The following CEP128 variants were observed in gnomAD, a reference collection of about 807,000 sequenced individuals.
CEP128 encodes the protein centrosomal protein 128.
Under a neutral mutation model 156.7 loss-of-function variants are expected in CEP128, and 132 were observed. That is an observed-to-expected ratio of 0.84 (90% CI 0.73 to 0.97). The LOEUF (loss-of-function observed/expected upper bound fraction) is 0.97. CEP128 is among the 50% of genes least tolerant of loss of function. CEP128 has a pLI of 0.00. For synonymous variants in CEP128, 469 were observed against 448.9 expected (o/e 1.04, Z -0.57); for missense variants, 1,252 against 1,281.9 (o/e 0.98, Z 0.36).
rs577862273 is a variant in CEP128, at chr14:80,658,004, G to A, written c.2807-77581C>T. ...ATATCTATTCTACCTCGGTGACAGCGTTAAAAAAAAGTATAAATAGTAACA... is the reference window on the plus strand; with the variant it reads ...ATATCTATTCTACCTCGGTGACAGCATTAAAAAAAAGTATAAATAGTAACA... On this transcript the variant is annotated intron_variant, in intron 19 of 24. Coordinates refer to ENST00000555265, the MANE Select transcript of CEP128 (RefSeq NM_152446.5). Among the ~76,000 whole-genome samples the A allele has an allele frequency of 1.4e-4, 20 of 141,882 alleles. No individual in the cohort carries two copies. The South Asian group carries it at 4.1e-3, about 29-fold the overall frequency. The allele number at this position is 141,882 out of a possible 152,430, so 93.1% of individuals were successfully genotyped here.
At chr14:80,893,824 G>C (rs554121878) in intron 8 of CEP128, among the ~76,000 whole-genome samples, 1 of 152,018 alleles carries the variant, frequency 6.6e-6, no homozygotes, top group Admixed American at 6.6e-5. Flanking sequence ...CATTTGGATA[G>C]ACAAATAAAC....
chr14:80,842,266 A>C (rs28638187), intron 9 of CEP128, among the ~76,000 whole-genome samples: 9,838 of 152,066 alleles, frequency 0.065, 1,058 homozygotes, highest in African/African-American at 0.22. Context: ...TGTTTTCAAT[A>C]AGAAGCAATA....
intron 2 of CEP128, among the ~76,000 whole-genome samples, chr14:80,927,789 G>C (rs1056053619): frequency 2.9e-4 from 44 of 152,260 alleles, no homozygotes; most frequent in African/African-American, 1.0e-3. Flanking sequence ...TTTTCACCAT[G>C]GGCACCTCCT....
intron 19 of CEP128, among the ~76,000 whole-genome samples, chr14:80,619,367 G>GACACACACACAC (rs34190837): frequency 0.02 from 2,835 of 139,372 alleles, 86 homozygotes; most frequent in East Asian, 0.14. Context: ...AAGACACACA[G>GACACACACACAC]ACACACACAC....
At chr14:80,483,912 A>G (rs1887105225) in intron 14 of CEP128, among the ~76,000 whole-genome samples, 1 of 152,192 alleles carries the variant, frequency 6.6e-6, no homozygotes, top group Non-Finnish European at 1.5e-5. Flanking sequence ...TAAAATACTG[A>G]TTGAAAGTTA....
rs777300675 is a variant in CEP128, at chr14:80,504,995, G to C, written c.3098C>G (p.Ser1033Cys). The change falls in exon 24 of 25, where the codon TCC becomes TGC. Residue 1033 changes from serine to cysteine, a missense_variant. Coordinates refer to ENST00000555265, the MANE Select transcript of CEP128 (RefSeq NM_152446.5). ...TGAGTGATCTAACCCACGAGTGTGG[G>C]AACCTTCCAGAAAGGTTCTGTCACC... The part of the protein sequence containing the change: ...FKGDRTFLEG[S>C]HTRGLDHSSS... 23 of 1,597,258 alleles carry C rather than the reference G, an allele frequency of 1.4e-5. No homozygotes were observed. Among genetic ancestry groups the C allele is most frequent in the Non-Finnish European group, 2.0e-5 (23 of 1,170,612 alleles).
intron 5 of CEP128, 61 bp downstream of exon 5, chr14:80,905,894 T>C (rs748236393): frequency 6.5e-7 from 1 of 1,534,078 alleles, no homozygotes; most frequent in East Asian, 2.3e-5. Context: ...AAAAATTAAA[T>C]GTATTCAATA....
At chr14:80,850,123 C>G (rs1046944178) in intron 9 of CEP128, among the ~76,000 whole-genome samples, 1 of 151,978 alleles carries the variant, frequency 6.6e-6, no homozygotes, top group African/African-American at 2.4e-5. Flanking sequence ...AACTATAATA[C>G]AAAGGCAAAG....
chr14:80,689,000 T>A (rs1249101706), intron 19 of CEP128, among the ~76,000 whole-genome samples: 1 of 152,046 alleles, frequency 6.6e-6, no homozygotes, highest in Non-Finnish European at 1.5e-5. Context: ...TTATCCCAAA[T>A]CTGCATCAGG....
At chr14:80,871,377 T>G (rs1888020789) in intron 8 of CEP128, among the ~76,000 whole-genome samples, 1 of 152,072 alleles carries the variant, frequency 6.6e-6, no homozygotes, top group African/African-American at 2.4e-5. Context: ...TAGAAGTAGA[T>G]GGAATTGAGC....
chr14:80,659,179 A>C (rs1160750877), intron 19 of CEP128, among the ~76,000 whole-genome samples: 1 of 152,212 alleles, frequency 6.6e-6, no homozygotes, highest in Non-Finnish European at 1.5e-5. Flanking sequence ...TAAAATTGTA[A>C]GGTACAAATA....
At position 80,647,061 on chromosome 14, in the gene CEP128, A is replaced by ATG. The variant is rs1566831601; in HGVS notation, c.2807-66639_2807-66638insCA. Among the ~76,000 whole-genome samples the ATG allele has an allele frequency of 2.5e-3, 153 of 60,768 alleles. 13 individuals are homozygous for ATG. The highest frequency in any genetic ancestry group is 6.1e-3 in the East Asian group (6 of 976). 39.9% of individuals were successfully genotyped at this position (60,768 alleles called of 152,430 possible). ...TGTATATATATATATATATATATATATATATATATATATATATATATATAT... is the reference window on the plus strand; with the variant it reads ...TGTATATATATATATATATATATATATGTATATATATATATATATATATATAT... On this transcript the variant is annotated intron_variant, in intron 19 of 24. Transcript: ENST00000555265.
chr14:80,499,392 G>A (rs1887636542), intron 24 of CEP128, among the ~76,000 whole-genome samples: 2 of 152,192 alleles, frequency 1.3e-5, no homozygotes, highest in African/African-American at 4.8e-5. Context: ...AATGTAAACT[G>A]AGGTAAGAAA....
chr14:80,832,555 A>G (rs1367329438), intron 12 of CEP128, among the ~76,000 whole-genome samples: 1 of 152,220 alleles, frequency 6.6e-6, no homozygotes, highest in Non-Finnish European at 1.5e-5. Context: ...TGATACATAC[A>G]TGTGGATTAT....
intron 21 of CEP128, among the ~76,000 whole-genome samples, chr14:80,537,139 G>C (rs896565618): frequency 5.3e-5 from 8 of 152,002 alleles, no homozygotes; most frequent in Non-Finnish European, 1.2e-4. Context: ...GATACAGAAG[G>C]CTTTCTAGGT....
At chr14:80,479,656 G>A (rs780564572) in intron 14 of CEP128, among the ~76,000 whole-genome samples, 10 of 152,062 alleles carry the variant, frequency 6.6e-5, no homozygotes, top group Non-Finnish European at 7.4e-5. Context: ...CAGCCAAACC[G>A]TATCATTCTG....
chr14:80,514,588 CTT>C (rs779205545), intron 23 of CEP128: 8 of 267,236 alleles, frequency 3.0e-5, no homozygotes, highest in Non-Finnish European at 4.7e-5. Flanking sequence ...ATTTCAATCT[CTT>C]TGTTAAGTTT....
At position 80,830,992 on chromosome 14, in the gene CEP128, A is replaced by G. The variant is rs1035364442; in HGVS notation, c.1209+151T>C. On this transcript the variant is annotated intron_variant, in intron 13 of 24. Coordinates refer to ENST00000555265, the MANE Select transcript of CEP128 (RefSeq NM_152446.5). ...AATGAACCCATAGGAATTTCTACAT[A>G]TAAGTAAATCAGTCATTAATATAAC... is the stretch of plus-strand genomic sequence containing the variant. 1.1e-5 allele frequency: 7 copies of G among 666,366 alleles called. No homozygotes were observed. In the East Asian group the frequency reaches 1.4e-4, roughly 13 times the overall value. The allele number at this position is 666,366 out of a possible 1,614,324, so 41.3% of individuals were successfully genotyped here. A position where few individuals can be genotyped will look rare whatever the true frequency, so the allele number is the denominator to read the frequency against.
At chr14:80,770,795 C>T (rs189461287) in intron 16 of CEP128, among the ~76,000 whole-genome samples, 2 of 152,152 alleles carry the variant, frequency 1.3e-5, no homozygotes, top group East Asian at 1.9e-4. Flanking sequence ...AAAAAAAAGA[C>T]CACAAGCTGC....
Sources: gnomAD v4.1 joint callset for allele counts (sites outside exome capture counted in the v4.1 genomes callset) on GRCh38, gnomAD v4.1.1 for gene constraint, MANE v1.5 for transcripts, NCBI Gene and HGNC (gene_info 2026-07-23, HGNC 2026-07-21) for gene names.